SMYD3: variants seen among roughly 807,000 people sequenced by gnomAD.
The protein encoded by SMYD3 is histone-lysine N-methyltransferase SMYD3.
In SMYD3, 36 loss-of-function variants were observed where a neutral mutation model predicts 57.7. That is an observed-to-expected ratio of 0.62 (90% CI 0.48 to 0.82). The LOEUF (loss-of-function observed/expected upper bound fraction) is 0.82, where lower values mean the gene tolerates loss of function less well. SMYD3 is among the 40% of genes least tolerant of loss of function. The probability of loss-of-function intolerance (pLI) is 0.00; values close to 1 mark genes in which losing one functional copy is unlikely to be tolerated. For missense variants in SMYD3, 515 were observed against 538.8 expected (o/e 0.96, Z 0.44); for synonymous variants, 211 against 195.0 (o/e 1.08, Z -0.68).
chr1:246,477,154 T>C (rs1197954674), intron 1 of SMYD3, among the ~76,000 whole-genome samples: 1 of 152,232 alleles, frequency 6.6e-6, no homozygotes, highest in East Asian at 1.9e-4. Flanking sequence ...CTTTCTCAAA[T>C]TCAAGCTATT....
chr1:246,188,388 C>T (rs1001404681), intron 5 of SMYD3, among the ~76,000 whole-genome samples: 4 of 152,044 alleles, frequency 2.6e-5, no homozygotes, highest in African/African-American at 9.7e-5. Flanking sequence ...CTAATGGAGC[C>T]CTGCAAAGAT....
chr1:246,272,949 A>G (rs1306513290), intron 5 of SMYD3, among the ~76,000 whole-genome samples: 3 of 152,084 alleles, frequency 2.0e-5, no homozygotes, highest in African/African-American at 7.2e-5. Context: ...TTGATTACTG[A>G]TTCAATCTCC....
At chr1:246,339,825 G>T (rs1352814292) in intron 2 of SMYD3, among the ~76,000 whole-genome samples, 1 of 152,212 alleles carries the variant, frequency 6.6e-6, no homozygotes, top group East Asian at 1.9e-4. Context: ...GCCCTCTCTT[G>T]TTCCCTCTCA....
intron 5 of SMYD3, among the ~76,000 whole-genome samples, chr1:246,208,194 CAA>C (rs2063030381): frequency 6.6e-6 from 1 of 152,046 alleles, no homozygotes; most frequent in Admixed American, 6.6e-5. Flanking sequence ...TTTGATTCTG[CAA>C]CAGAGGTCCT....
chr1:246,333,976 C>T (rs1416676460), intron 3 of SMYD3, among the ~76,000 whole-genome samples: 1 of 152,074 alleles, frequency 6.6e-6, no homozygotes, highest in Non-Finnish European at 1.5e-5. Flanking sequence ...AGGAAAAATG[C>T]TCTACGTTAC....
At chr1:245,846,768 C>T (rs1446783205) in intron 10 of SMYD3, among the ~76,000 whole-genome samples, 1 of 152,196 alleles carries the variant, frequency 6.6e-6, no homozygotes, top group Non-Finnish European at 1.5e-5. Context: ...TTCACCTACT[C>T]CCCTAGAAAG....
At chr1:245,785,817 T>C (rs956642588) in intron 10 of SMYD3, among the ~76,000 whole-genome samples, 1 of 152,072 alleles carries the variant, frequency 6.6e-6, no homozygotes, top group Admixed American at 6.5e-5. Flanking sequence ...TCCTGCCTCA[T>C]CCTCCCAAGT....
At chr1:246,320,858 C>T (rs1225843364) in intron 5 of SMYD3, among the ~76,000 whole-genome samples, 13 of 152,152 alleles carry the variant, frequency 8.5e-5, no homozygotes, top group Admixed American at 8.5e-4. Context: ...TAGAGAAATA[C>T]AATACATTCC....
chr1:245,770,083 A>G (rs1286871160), intron 10 of SMYD3, among the ~76,000 whole-genome samples: 1 of 152,272 alleles, frequency 6.6e-6, no homozygotes, highest in Non-Finnish European at 1.5e-5. Flanking sequence ...CAGACCAAGC[A>G]GCTTATCTGC....
chr1:245,962,155 C>T (rs1012330925), intron 5 of SMYD3, among the ~76,000 whole-genome samples: 5 of 151,996 alleles, frequency 3.3e-5, no homozygotes, highest in Admixed American at 1.3e-4. Flanking sequence ...GGAGAAAGGT[C>T]GATGTTAGGG....
intron 11 of SMYD3, among the ~76,000 whole-genome samples, chr1:245,759,574 C>A (rs1345279109): frequency 1.3e-5 from 2 of 152,214 alleles, no homozygotes; most frequent in African/African-American, 4.8e-5. Context: ...AACAGAACTG[C>A]ATGCTCTAAA....
chr1:246,495,348 CAAAAAAAAA>C (rs11329443), intron 1 of SMYD3, among the ~76,000 whole-genome samples: 2 of 57,880 alleles, frequency 3.5e-5, no homozygotes, highest in African/African-American at 7.5e-5. Context: ...GACTCCGTCT[CAAAAAAAAA>C]AAAAAAAAAA....
chr1:246,422,983 TG>T (rs1372200535), intron 1 of SMYD3, among the ~76,000 whole-genome samples: 1 of 151,786 alleles, frequency 6.6e-6, no homozygotes, highest in African/African-American at 2.4e-5. Context: ...CATCACACAG[TG>T]GTAAGTGTTA....
intron 10 of SMYD3, among the ~76,000 whole-genome samples, chr1:245,846,959 ATC>A (rs1417780130): frequency 1.3e-5 from 2 of 152,098 alleles, no homozygotes. Flanking sequence ...AATTTCCATC[ATC>A]TGTTTCCCTC....
chr1:246,105,017 A>T (rs1381771175), intron 5 of SMYD3, among the ~76,000 whole-genome samples: 1 of 152,180 alleles, frequency 6.6e-6, no homozygotes, highest in African/African-American at 2.4e-5. Context: ...GCCAAAGAGG[A>T]GGGTGGCAGT....
chr1:246,274,698 C>A (rs2064295667), intron 5 of SMYD3, among the ~76,000 whole-genome samples: 1 of 152,010 alleles, frequency 6.6e-6, no homozygotes, highest in African/African-American at 2.4e-5. Flanking sequence ...ACAGGCCGTC[C>A]GAAGGTCAAT....
chr1:246,133,486 T>C (rs1445130549), intron 5 of SMYD3, among the ~76,000 whole-genome samples: 1 of 152,102 alleles, frequency 6.6e-6, no homozygotes, highest in African/African-American at 2.4e-5. Flanking sequence ...TATCTAATGA[T>C]AGTATCTCAT....
In SMYD3 at chr1:246,280,454, G is replaced by A. The variant is rs114349176; in HGVS notation, c.531+46747C>T. Among the ~76,000 whole-genome samples the A allele has an allele frequency of 2.5e-3, 378 of 152,244 alleles. 1 individual carries two copies. Among genetic ancestry groups the A allele is most frequent in the Non-Finnish European group, 4.3e-3 (290 of 68,022 alleles). On this transcript the variant is annotated intron_variant, in intron 5 of 11. Coordinates refer to ENST00000490107, the MANE Select transcript of SMYD3 (RefSeq NM_001167740.2). Reference sequence around the variant, plus strand: ...ATCCACATTCCATAGTTTACCTTCTGTCACTAATAATCTCCATCATCTACT... The same window carrying A: ...ATCCACATTCCATAGTTTACCTTCTATCACTAATAATCTCCATCATCTACT...
chr1:246,325,018 AG>A (rs2065317488), intron 5 of SMYD3, among the ~76,000 whole-genome samples: 1 of 7,138 alleles, frequency 1.4e-4, no homozygotes. Context: ...GAGTCGGGGG[AG>A]CGGGAAGGAG....
Sources: gnomAD v4.1 joint callset for allele counts (sites outside exome capture counted in the v4.1 genomes callset) on GRCh38, gnomAD v4.1.1 for gene constraint, MANE v1.5 for transcripts, NCBI Gene and HGNC (gene_info 2026-07-23, HGNC 2026-07-21) for gene names.